The following TRABD2B variants were observed in gnomAD, a reference collection of about 807,000 sequenced individuals.
The protein encoded by TRABD2B is metalloprotease TIKI2.
A neutral mutation model predicts 40.1 loss-of-function variants in TRABD2B; 14 were observed. That is an observed-to-expected ratio of 0.35 (90% CI 0.23 to 0.55). TRABD2B has a LOEUF of 0.55. Ranked by LOEUF, TRABD2B falls within the 20% of genes least tolerant of loss-of-function variation. TRABD2B has a pLI of 0.90. For synonymous variants in TRABD2B, 263 were observed against 277.0 expected, an observed-to-expected ratio of 0.95 and a Z score of 0.50; for missense variants, 541 against 648.6, an observed-to-expected ratio of 0.83 and a Z score of 1.80.
chr1:47,980,288 G>A (rs1447071546), intron 2 of TRABD2B, among the ~76,000 whole-genome samples: 2 of 152,138 alleles, frequency 1.3e-5, no homozygotes, highest in Non-Finnish European at 2.9e-5. Flanking sequence ...AGCTCAAGTG[G>A]TATCACACTA....
At chr1:47,808,019 T>A (rs1280245253) in intron 2 of TRABD2B, among the ~76,000 whole-genome samples, 1 of 152,204 alleles carries the variant, frequency 6.6e-6, no homozygotes, top group Non-Finnish European at 1.5e-5. Flanking sequence ...TGGTCAAACT[T>A]TTTTTAGATG....
chr1:47,820,831 C>G (rs1265910659), intron 2 of TRABD2B, among the ~76,000 whole-genome samples: 3 of 151,092 alleles, frequency 2.0e-5, no homozygotes, highest in African/African-American at 7.3e-5. Context: ...CAAAATCTTA[C>G]TTACTCTTCC....
chr1:47,927,548 A>G (rs1292752012), intron 2 of TRABD2B, among the ~76,000 whole-genome samples: 4 of 152,192 alleles, frequency 2.6e-5, no homozygotes, highest in Non-Finnish European at 5.9e-5. Flanking sequence ...AGTGAGGGAC[A>G]GACAGATGCT....
rs74072101 is a variant in TRABD2B, at chr1:47,965,133, A to C, written c.666+28901T>G. On this transcript the variant is annotated intron_variant, in intron 2 of 6. Transcript: ENST00000606738. ...TCAAATAGGTTCAACTCAAGCATCA[A>C]GACCAGGTTGCGGTTTCAACCAAAG... Among the ~76,000 whole-genome samples the C allele has an allele frequency of 2.3e-3, 327 of 144,568 alleles. 2 individuals are homozygous for C. Among genetic ancestry groups the C allele is most frequent in the African/African-American group, 8.1e-3 (319 of 39,362 alleles). 94.8% of individuals were successfully genotyped at this position (144,568 alleles called of 152,430 possible). A position where few individuals can be genotyped will look rare whatever the true frequency, so the allele number is the denominator to read the frequency against.
chr1:47,929,693 G>A (rs550806091), intron 2 of TRABD2B, among the ~76,000 whole-genome samples: 15 of 152,258 alleles, frequency 9.9e-5, no homozygotes, highest in African/African-American at 3.6e-4. Flanking sequence ...AACCCAGCTC[G>A]GGACCTGGCA....
At chr1:47,865,408 A>G (rs962809486) in intron 2 of TRABD2B, among the ~76,000 whole-genome samples, 4 of 151,990 alleles carry the variant, frequency 2.6e-5, no homozygotes, top group Admixed American at 1.3e-4. Flanking sequence ...TTCCACCCAA[A>G]CACTGGGATA....
Position 47,962,587 on chromosome 1 carries a change from C to T in TRABD2B, c.666+31447G>A, listed in dbSNP as rs369346108. Among the ~76,000 whole-genome samples the T allele has an allele frequency of 1.7e-4, 26 of 152,284 alleles. No individual in the cohort carries two copies. In the East Asian group the frequency reaches 2.5e-3, roughly 15 times the overall value. On this transcript the variant is annotated intron_variant, in intron 2 of 6. Coordinates refer to ENST00000606738, the MANE Select transcript of TRABD2B (RefSeq NM_001194986.2). ...GCTAATGCTCAATTAGTCCTTACCACGTGCCAGGCACTGCTCTAGACACTT... is the reference window on the plus strand; with the variant it reads ...GCTAATGCTCAATTAGTCCTTACCATGTGCCAGGCACTGCTCTAGACACTT...
chr1:47,995,782 C>T (rs949284757), intron 1 of TRABD2B, among the ~76,000 whole-genome samples: 1 of 152,160 alleles, frequency 6.6e-6, no homozygotes, highest in Non-Finnish European at 1.5e-5. Context: ...AACTGTTAAT[C>T]CCAGCATGTT....
intron 2 of TRABD2B, among the ~76,000 whole-genome samples, chr1:47,966,625 C>T (rs367873817): frequency 1.3e-5 from 2 of 152,250 alleles, no homozygotes. Flanking sequence ...ATCAGGTTGG[C>T]CTGGTGCAGT....
intron 2 of TRABD2B, among the ~76,000 whole-genome samples, chr1:47,988,928 G>A (rs530436390): frequency 7.2e-5 from 11 of 152,312 alleles, no homozygotes; most frequent in Middle Eastern, 3.4e-3. Flanking sequence ...TCCAAAATTC[G>A]TATGTTGAAA....
At chr1:47,882,152 C>T (rs1171055624) in intron 2 of TRABD2B, among the ~76,000 whole-genome samples, 1 of 152,244 alleles carries the variant, frequency 6.6e-6, no homozygotes, top group Non-Finnish European at 1.5e-5. Flanking sequence ...CGAGGAGGCC[C>T]TGTGGCATTT....
chr1:47,808,645 G>A (rs1644923383), intron 2 of TRABD2B, among the ~76,000 whole-genome samples: 1 of 152,190 alleles, frequency 6.6e-6, no homozygotes, highest in African/African-American at 2.4e-5. Context: ...TTTCAGATAA[G>A]GACTATTTCC....
intron 2 of TRABD2B, among the ~76,000 whole-genome samples, chr1:47,911,193 G>A (rs1644758313): frequency 6.6e-6 from 1 of 152,206 alleles, no homozygotes; most frequent in South Asian, 2.1e-4. Flanking sequence ...TAGGGTAATT[G>A]TGACAATTAA....
At chr1:47,800,365 AG>A (rs1009730430) in intron 3 of TRABD2B, among the ~76,000 whole-genome samples, 6 of 152,154 alleles carry the variant, frequency 3.9e-5, no homozygotes, top group African/African-American at 1.4e-4. Context: ...GCAGGCAGAG[AG>A]GGAGTGAGCC....
At chr1:47,880,574 T>C (rs1644289055) in intron 2 of TRABD2B, among the ~76,000 whole-genome samples, 1 of 152,272 alleles carries the variant, frequency 6.6e-6, no homozygotes. Flanking sequence ...GGGGAGTCGC[T>C]AGGTTTTAGA....
At chr1:47,777,320 A>C (rs1199259522) in intron 5 of TRABD2B, among the ~76,000 whole-genome samples, 1 of 152,214 alleles carries the variant, frequency 6.6e-6, no homozygotes. Context: ...CCCCCAGTAT[A>C]AACTAATGCG....
In TRABD2B at chr1:47,850,588, C is replaced by A. The variant is rs1342245354; in HGVS notation, c.667-48969G>T. ...GGTCTCCCACACTCCAGCTTGTGCC[C>A]TTCCCTCCAGGCCAAGCCACCTCCC... On this transcript the variant is annotated intron_variant, in intron 2 of 6. Coordinates refer to ENST00000606738, the MANE Select transcript of TRABD2B (RefSeq NM_001194986.2). Among the ~76,000 whole-genome samples, 7 of 152,214 alleles carry A rather than the reference C, an allele frequency of 4.6e-5. No homozygotes were observed. The East Asian group carries it at 1.4e-3, about 29-fold the overall frequency.
At chr1:47,915,391 C>T (rs569820861) in intron 2 of TRABD2B, among the ~76,000 whole-genome samples, 8 of 152,232 alleles carry the variant, frequency 5.3e-5, no homozygotes, top group African/African-American at 9.6e-5. Flanking sequence ...GCCAGAGGCA[C>T]GGGGACTTAC....
At chr1:47,787,001 G>T (rs1245116364) in intron 4 of TRABD2B, among the ~76,000 whole-genome samples, 1 of 152,128 alleles carries the variant, frequency 6.6e-6, no homozygotes, top group Non-Finnish European at 1.5e-5. Context: ...CACTGTGACT[G>T]GCCTGCCTCT....
Sources: allele counts gnomAD v4.1 joint callset (sites outside exome capture counted in the v4.1 genomes callset), GRCh38; gene constraint gnomAD v4.1.1; transcripts MANE v1.5; gene names NCBI Gene and HGNC (gene_info 2026-07-23, HGNC 2026-07-21).